Variants in TMEM132D observed in about 807,000 individuals in gnomAD.
The protein encoded by TMEM132D is transmembrane protein 132D, also known as mature OL transmembrane protein.
TMEM132D carries 21 observed loss-of-function variants against 62.3 expected under a neutral mutation model. That is an observed-to-expected ratio of 0.34 (90% confidence interval 0.24 to 0.49). The LOEUF (loss-of-function observed/expected upper bound fraction) is 0.49, where lower values mean the gene tolerates loss of function less well. Among genes scored for constraint, TMEM132D ranks in the 20% least tolerant of loss-of-function variants. TMEM132D has a pLI of 0.99. For synonymous variants in TMEM132D, 621 were observed against 575.6 expected (o/e 1.08, Z -1.13); for missense variants, 1,346 against 1,402.8 (o/e 0.96, Z 0.65).
intron 5 of TMEM132D, among the ~76,000 whole-genome samples, chr12:129,166,684 C>T (rs199955610): frequency 0.032 from 2,442 of 76,898 alleles, 74 homozygotes; most frequent in African/African-American, 0.086. Flanking sequence ...CATATATATA[C>T]ACATACACAC....
chr12:129,448,688 T>C (rs1241791919), intron 3 of TMEM132D, among the ~76,000 whole-genome samples: 1 of 152,220 alleles, frequency 6.6e-6, no homozygotes, highest in East Asian at 1.9e-4. Flanking sequence ...GTGAAGTACA[T>C]TTTAAAAACA....
At chr12:129,676,316 C>T (rs1290026563) in intron 2 of TMEM132D, among the ~76,000 whole-genome samples, 1 of 152,196 alleles carries the variant, frequency 6.6e-6, no homozygotes, top group African/African-American at 2.4e-5. Context: ...TCTAATCTAT[C>T]ATCTATCTAT....
chr12:129,556,035 A>G (rs1877047053), intron 2 of TMEM132D, among the ~76,000 whole-genome samples: 1 of 152,184 alleles, frequency 6.6e-6, no homozygotes, highest in Non-Finnish European at 1.5e-5. Context: ...TTCCATGAAA[A>G]TGCCAGTTTT....
chr12:129,803,120 G>C (rs1319422189), intron 1 of TMEM132D, among the ~76,000 whole-genome samples: 6 of 151,432 alleles, frequency 4.0e-5, no homozygotes, highest in Non-Finnish European at 7.4e-5. Flanking sequence ...GTCAACATTA[G>C]ACAGATCAAC....
At chr12:129,191,622 T>C (rs1224683777) in intron 5 of TMEM132D, among the ~76,000 whole-genome samples, 1 of 151,730 alleles carries the variant, frequency 6.6e-6, no homozygotes, top group Non-Finnish European at 1.5e-5. Context: ...ATATAAGATA[T>C]AGGAGATATA....
At position 129,329,707 on chromosome 12, in the gene TMEM132D, C is replaced by T. The variant is rs185946552; in HGVS notation, c.1299+7927G>A. 1.3e-4 allele frequency among the ~76,000 whole-genome samples: 20 copies of T among 152,252 alleles called. No homozygotes were observed. In the East Asian group the frequency reaches 1.7e-3, roughly 13 times the overall value. ...TGAGGGATAAGGCTGTTCTCTTACACGCCTTTACTGAGCATCTACTATGGG... is the reference window on the plus strand; with the variant it reads ...TGAGGGATAAGGCTGTTCTCTTACATGCCTTTACTGAGCATCTACTATGGG... On this transcript the variant is annotated intron_variant, in intron 4 of 8. Transcript: ENST00000422113.
At chr12:129,887,237 T>C (rs1055951336) in intron 1 of TMEM132D, among the ~76,000 whole-genome samples, 1 of 152,228 alleles carries the variant, frequency 6.6e-6, no homozygotes, top group Non-Finnish European at 1.5e-5. Flanking sequence ...CCCCTCCCTG[T>C]CTACCGTGGA....
chr12:129,169,875 C>G (rs1419651915), intron 5 of TMEM132D, among the ~76,000 whole-genome samples: 1 of 152,246 alleles, frequency 6.6e-6, no homozygotes, highest in Non-Finnish European at 1.5e-5. Flanking sequence ...CAAAAACACC[C>G]TTAAGCTTCT....
rs1870584716 is a variant in TMEM132D at position 129,371,108 on chromosome 12, T to A, written c.1116-33291A>T. Among the ~76,000 whole-genome samples, 2 of 152,220 alleles carry A rather than the reference T, an allele frequency of 1.3e-5. No individual in the cohort carries two copies. The highest frequency in any genetic ancestry group is 4.1e-4 in the South Asian group (2 of 4,832). The stretch of plus-strand genomic sequence containing the variant: ...AATTACCTTGATTCGATCATTATAT[T>A]GTTGTAGGTACCACCAAAATATGTA... On this transcript the variant is annotated intron_variant, in intron 3 of 8. Transcript: ENST00000422113. The surrounding 1 kb of genome is among the most constrained non-coding windows in gnomAD (Gnocchi z 4.3).
chr12:129,558,050 G>C (rs1002373593), intron 2 of TMEM132D, among the ~76,000 whole-genome samples: 11 of 152,176 alleles, frequency 7.2e-5, no homozygotes, highest in Non-Finnish European at 1.5e-4. Flanking sequence ...GGGTTACATA[G>C]TCAGGGTGGT....
chr12:129,776,112 G>A (rs371051457), intron 1 of TMEM132D, among the ~76,000 whole-genome samples: 34 of 151,894 alleles, frequency 2.2e-4, no homozygotes, highest in African/African-American at 6.0e-4. Context: ...AAAAGGGGTC[G>A]GTCTATCTTC....
At chr12:129,534,051 G>A (rs1330531565) in intron 2 of TMEM132D, among the ~76,000 whole-genome samples, 5 of 152,342 alleles carry the variant, frequency 3.3e-5, no homozygotes, top group Non-Finnish European at 7.3e-5. Context: ...AACCATTAAA[G>A]TAGTTCCTAG....
intron 1 of TMEM132D, among the ~76,000 whole-genome samples, chr12:129,790,358 G>A (rs921290175): frequency 6.6e-6 from 1 of 152,186 alleles, no homozygotes; most frequent in African/African-American, 2.4e-5. Context: ...GAGGAATGAG[G>A]TGACATGAAC....
intron 1 of TMEM132D, among the ~76,000 whole-genome samples, chr12:129,752,173 C>A (rs1486738213): frequency 6.6e-6 from 1 of 151,904 alleles, no homozygotes; most frequent in Non-Finnish European, 1.5e-5. Flanking sequence ...TAAAGAAATA[C>A]CAAAAAGGTG....
intron 3 of TMEM132D, among the ~76,000 whole-genome samples, chr12:129,494,386 A>C (rs1874887756): frequency 6.6e-6 from 1 of 152,156 alleles, no homozygotes; most frequent in Non-Finnish European, 1.5e-5. Context: ...TACTGTGATG[A>C]GCTTCTTCCC....
chr12:129,361,720 T>C (rs1042165124), intron 3 of TMEM132D, among the ~76,000 whole-genome samples: 2 of 152,204 alleles, frequency 1.3e-5, no homozygotes, highest in African/African-American at 4.8e-5. Context: ...TTTTAAAAGA[T>C]GTCATATTTA....
At chr12:129,467,404 G>A (rs569321542) in intron 3 of TMEM132D, among the ~76,000 whole-genome samples, 6 of 152,268 alleles carry the variant, frequency 3.9e-5, no homozygotes, top group African/African-American at 1.4e-4. Context: ...AAGATGGGTG[G>A]CTTCCCTATA....
intron 1 of TMEM132D, among the ~76,000 whole-genome samples, chr12:129,715,888 C>A (rs544018206): frequency 6.6e-6 from 1 of 152,176 alleles, no homozygotes; most frequent in Non-Finnish European, 1.5e-5. Context: ...CCAGGCACGG[C>A]TGCACGTCAC....
intron 2 of TMEM132D, among the ~76,000 whole-genome samples, chr12:129,560,623 A>C (rs1191503123): frequency 6.6e-6 from 1 of 152,118 alleles, no homozygotes; most frequent in East Asian, 1.9e-4. Context: ...CCTGGTTCAT[A>C]CTCTCAAAGA....
Sources: allele counts gnomAD v4.1 joint callset (sites outside exome capture counted in the v4.1 genomes callset), GRCh38; gene constraint gnomAD v4.1.1; non-coding constraint Gnocchi (gnomAD v3.1); transcripts MANE v1.5; gene names NCBI Gene and HGNC (gene_info 2026-07-23, HGNC 2026-07-21).